Variants in LRRTM4 observed in about 807,000 individuals in gnomAD.
LRRTM4 encodes the protein leucine rich repeat transmembrane neuronal 4, also known as leucine-rich repeat transmembrane neuronal protein 4.
LRRTM4 carries 25 observed loss-of-function variants against 47.6 expected under a neutral mutation model. The ratio of observed to expected loss-of-function variants is 0.53; its 90% CI spans 0.38 to 0.73. The LOEUF (loss-of-function observed/expected upper bound fraction) is 0.73, where lower values mean the gene tolerates loss of function less well. Ranked by LOEUF, LRRTM4 falls within the 30% of genes least tolerant of loss-of-function variation. The probability of loss-of-function intolerance (pLI) is 0.00; values close to 1 mark genes in which losing one functional copy is unlikely to be tolerated. For synonymous variants in LRRTM4, 311 were observed against 269.5 expected (o/e 1.15, Z -1.51); for missense variants, 638 against 713.4 (o/e 0.89, Z 1.20).
chr2:77,028,225 A>T (rs772986296), intron 3 of LRRTM4, among the ~76,000 whole-genome samples: 1 of 152,216 alleles, frequency 6.6e-6, no homozygotes, highest in Non-Finnish European at 1.5e-5. Flanking sequence ...AACGTAGCGC[A>T]TGACTCATTG....
Position 76,866,344 on chromosome 2 carries a change from T to C in LRRTM4, c.1552-117428A>G, listed in dbSNP as rs369570114. Among the ~76,000 whole-genome samples, 16 of 152,344 alleles carry C rather than the reference T, an allele frequency of 1.1e-4. No individual in the cohort carries two copies. The East Asian group carries it at 3.1e-3, about 29-fold the overall frequency. ...CCTACATGAAACAATTATGATGCAG[T>C]GATCTCATCTTGAACATTTTCCTCA... On this transcript the variant is annotated intron_variant, in intron 3 of 3. Coordinates refer to ENST00000409884, the MANE Select transcript of LRRTM4 (RefSeq NM_001134745.3).
At chr2:76,796,832 C>T (rs189144030) in intron 3 of LRRTM4, among the ~76,000 whole-genome samples, 10 of 151,864 alleles carry the variant, frequency 6.6e-5, no homozygotes, top group East Asian at 1.9e-4. Flanking sequence ...AGAAGGCAGA[C>T]GCCTCAGGAG....
At chr2:77,083,822 T>TCC (rs1680610027) in intron 3 of LRRTM4, among the ~76,000 whole-genome samples, 1 of 119,838 alleles carries the variant, frequency 8.3e-6, no homozygotes, top group African/African-American at 3.6e-5. Flanking sequence ...TTTTTTTTTT[T>TCC]CAGACGGAGT....
At chr2:77,494,272 A>G (rs1370205679) in intron 3 of LRRTM4, among the ~76,000 whole-genome samples, 1 of 152,182 alleles carries the variant, frequency 6.6e-6, no homozygotes, top group Non-Finnish European at 1.5e-5. Context: ...TTTAAAAATG[A>G]AAAGACACAG....
chr2:76,790,788 T>TCA, intron 3 of LRRTM4, among the ~76,000 whole-genome samples: 2 of 152,042 alleles, frequency 1.3e-5, no homozygotes, highest in Non-Finnish European at 2.9e-5. Flanking sequence ...AAATTTGATA[T>TCA]AATTTCACTG....
intron 3 of LRRTM4, among the ~76,000 whole-genome samples, chr2:77,175,333 C>G (rs764110341): frequency 6.6e-6 from 1 of 152,042 alleles, no homozygotes; most frequent in Non-Finnish European, 1.5e-5. Flanking sequence ...TAAAACCCCT[C>G]GTGGCCTTTG....
At chr2:76,974,437 T>A (rs1341008811) in intron 3 of LRRTM4, among the ~76,000 whole-genome samples, 2 of 150,952 alleles carry the variant, frequency 1.3e-5, no homozygotes, top group Non-Finnish European at 3.0e-5. Flanking sequence ...TATATTATTA[T>A]TGTTACAACA....
intron 3 of LRRTM4, among the ~76,000 whole-genome samples, chr2:77,023,854 C>T (rs1407953700): frequency 6.6e-6 from 1 of 152,174 alleles, no homozygotes; most frequent in Non-Finnish European, 1.5e-5. Flanking sequence ...GTCACTTCCA[C>T]ATTTTCAGGT....
chr2:77,381,249 CCAAA>C (rs1673040110), intron 3 of LRRTM4, among the ~76,000 whole-genome samples: 1 of 151,846 alleles, frequency 6.6e-6, no homozygotes, highest in South Asian at 2.1e-4. Context: ...ATTGAAAGCA[CCAAA>C]AATACATTTA....
At chr2:77,068,554 C>T (rs1250209036) in intron 3 of LRRTM4, among the ~76,000 whole-genome samples, 3 of 152,166 alleles carry the variant, frequency 2.0e-5, no homozygotes, top group Non-Finnish European at 2.9e-5. Context: ...TGAATTTATA[C>T]AATATGTGAC....
At chr2:77,213,131 A>G (rs529301287) in intron 3 of LRRTM4, among the ~76,000 whole-genome samples, 97 of 152,322 alleles carry the variant, frequency 6.4e-4, no homozygotes, top group African/African-American at 2.3e-3. Context: ...TGTTACCAGG[A>G]AACAAAAGAG....
intron 3 of LRRTM4, among the ~76,000 whole-genome samples, chr2:76,960,856 G>A (rs1459178160): frequency 6.6e-6 from 1 of 151,340 alleles, no homozygotes; most frequent in East Asian, 1.9e-4. Flanking sequence ...AAAGAGCTTT[G>A]TGGAATTTTT....
chr2:77,067,621 TAAG>T (rs984265454), intron 3 of LRRTM4, among the ~76,000 whole-genome samples: 2 of 146,054 alleles, frequency 1.4e-5, no homozygotes, highest in Non-Finnish European at 3.0e-5. Flanking sequence ...GAAAAAAAAA[TAAG>T]AAGATACATA....
intron 3 of LRRTM4, among the ~76,000 whole-genome samples, chr2:77,277,488 A>T (rs773278881): frequency 4.7e-4 from 72 of 152,134 alleles, no homozygotes; most frequent in Non-Finnish European, 7.4e-4. Context: ...AATACTCAAG[A>T]TATTAAGGTG....
intron 3 of LRRTM4, among the ~76,000 whole-genome samples, chr2:77,351,472 A>G (rs2104296823): frequency 6.6e-6 from 1 of 152,008 alleles, no homozygotes; most frequent in South Asian, 2.1e-4. Context: ...AGGATAGTTG[A>G]AAACCTTATG....
At chr2:76,994,842 C>A (rs2104003129) in intron 3 of LRRTM4, among the ~76,000 whole-genome samples, 1 of 151,962 alleles carries the variant, frequency 6.6e-6, no homozygotes, top group East Asian at 1.9e-4. Flanking sequence ...CTACTATCAA[C>A]AATAATGCAC....
rs144940732 is a variant in LRRTM4, at chr2:77,266,564, G to C, written c.1551+251754C>G. On this transcript the variant is annotated intron_variant, in intron 3 of 3. Transcript: ENST00000409884. The stretch of plus-strand genomic sequence containing the variant: ...AAAAAGTGTTAAATGATTTAGTAGA[G>C]TGGAGGAAATTGCATTCCAAAGGTC... Among the ~76,000 whole-genome samples the C allele has an allele frequency of 7.5e-3, 1,141 of 152,272 alleles. 7 individuals carry two copies. Among genetic ancestry groups the C allele is most frequent in the Middle Eastern group, 0.017 (5 of 294 alleles).
chr2:77,063,308 A>T (rs1253508784), intron 3 of LRRTM4, among the ~76,000 whole-genome samples: 2 of 152,082 alleles, frequency 1.3e-5, no homozygotes, highest in Admixed American at 1.3e-4. Context: ...CATTGTGTCC[A>T]GGTTTTATAT....
At chr2:77,516,616 T>C in intron 3 of LRRTM4, 6 of 983,076 alleles carry the variant, frequency 6.1e-6, no homozygotes, top group Non-Finnish European at 7.2e-6. Context: ...TACTCAAGTA[T>C]ATTGTATAAT....
Sources: allele counts gnomAD v4.1 joint callset (sites outside exome capture counted in the v4.1 genomes callset), GRCh38; gene constraint gnomAD v4.1.1; transcripts MANE v1.5; gene names NCBI Gene and HGNC (gene_info 2026-07-23, HGNC 2026-07-21).